Variants in VAC14 observed in about 807,000 individuals in gnomAD.
VAC14 encodes protein VAC14 homolog.
A neutral mutation model predicts 85.3 loss-of-function variants in VAC14; 47 were observed. The observed-to-expected ratio is 0.55, with a 90% CI of 0.44 to 0.70. VAC14 has a LOEUF of 0.70. VAC14 is among the 30% of genes least tolerant of loss of function. VAC14 has a pLI of 0.00. For missense variants in VAC14, 861 were observed against 1,004.3 expected, an observed-to-expected ratio of 0.86 and a Z score of 1.93; for synonymous variants, 447 against 430.5, an observed-to-expected ratio of 1.04 and a Z score of -0.47.
chr16:70,697,818 C>G (rs767778379), intron 15 of VAC14, among the ~76,000 whole-genome samples: 6 of 152,166 alleles, frequency 3.9e-5, no homozygotes, highest in Non-Finnish European at 7.4e-5. Flanking sequence ...TGGCCTGGAT[C>G]GTGCAGAGCC....
At chr16:70,775,110 A>T (rs553297329) in intron 9 of VAC14, among the ~76,000 whole-genome samples, 2 of 152,254 alleles carry the variant, frequency 1.3e-5, no homozygotes, top group South Asian at 4.2e-4. Context: ...AATCAATTCA[A>T]TTATTTATGT....
intron 14 of VAC14, among the ~76,000 whole-genome samples, chr16:70,712,903 G>A (rs1020851138): frequency 2.6e-5 from 4 of 152,214 alleles, no homozygotes; most frequent in African/African-American, 4.8e-5. Context: ...GGCTGGGGAA[G>A]GTGCTACCTC....
intron 9 of VAC14, chr16:70,772,398 G>C (rs1567591482): frequency 3.7e-6 from 2 of 539,192 alleles, no homozygotes; most frequent in East Asian, 3.0e-5. Flanking sequence ...ACAAGGAGGG[G>C]ACACCAGTGC....
chr16:70,754,588 G>A (rs962177745), intron 12 of VAC14, among the ~76,000 whole-genome samples: 1 of 152,152 alleles, frequency 6.6e-6, no homozygotes, highest in Non-Finnish European at 1.5e-5. Context: ...AGAGGGCAGT[G>A]TCCCCTGCCC....
intron 5 of VAC14, 113 bp from the exon 6 acceptor site, chr16:70,783,667 C>A (rs765897330): frequency 3.9e-6 from 4 of 1,035,976 alleles, no homozygotes; most frequent in Non-Finnish European, 5.8e-6. Flanking sequence ...CAGCATTTCC[C>A]TGCAGTGCAG....
intron 12 of VAC14, chr16:70,756,037 G>A (rs1409779985): frequency 2.2e-6 from 1 of 456,674 alleles, no homozygotes; most frequent in African/African-American, 2.0e-5. Flanking sequence ...CTGGGACCCA[G>A]CTGGCCAACC....
At chr16:70,747,293 G>A (rs1313887694) in intron 12 of VAC14, 1 of 152,140 alleles carries the variant, frequency 6.6e-6, no homozygotes, top group Non-Finnish European at 1.5e-5. Context: ...GTGGTCGCCA[G>A]GGGCGTGGGG....
At chr16:70,779,093 C>T (rs2033678166) in intron 9 of VAC14, 1 of 152,336 alleles carries the variant, frequency 6.6e-6, no homozygotes, top group Admixed American at 6.5e-5. Context: ...AGAATTCTAC[C>T]ACTGAACCAC....
intron 10 of VAC14, chr16:70,771,475 G>C (rs2033216938): frequency 6.6e-6 from 1 of 152,134 alleles, no homozygotes; most frequent in South Asian, 2.1e-4. Context: ...TCTCACTGCA[G>C]TCACCATGTA....
chr16:70,735,313 C>G (rs1440353940), intron 13 of VAC14, among the ~76,000 whole-genome samples: 1 of 140,730 alleles, frequency 7.1e-6, no homozygotes, highest in Non-Finnish European at 1.5e-5. Context: ...ACAAGATAGG[C>G]AGGATGTGGA....
intron 14 of VAC14, among the ~76,000 whole-genome samples, chr16:70,701,315 C>G (rs1401001013): frequency 1.3e-5 from 2 of 152,144 alleles, no homozygotes; most frequent in Non-Finnish European, 2.9e-5. Context: ...GCCTGGCCAC[C>G]TAGCAGGCAT....
intron 12 of VAC14, among the ~76,000 whole-genome samples, chr16:70,751,993 C>T (rs934281978): frequency 6.6e-6 from 1 of 152,230 alleles, no homozygotes; most frequent in Non-Finnish European, 1.5e-5. Context: ...GAAAGGAGCA[C>T]TACTTAGGCC....
intron 18 of VAC14, chr16:70,690,700 C>T: frequency 1.0e-6 from 1 of 985,728 alleles, no homozygotes; most frequent in Admixed American, 6.1e-5. Flanking sequence ...GCTGTCTGCC[C>T]CTCCCAGGGC....
chr16:70,779,611 T>C (rs1223976537), intron 9 of VAC14, among the ~76,000 whole-genome samples: 2 of 152,110 alleles, frequency 1.3e-5, no homozygotes, highest in East Asian at 3.9e-4. Context: ...ATAACAGATG[T>C]TTGCTAAATG....
chr16:70,716,369 C>T (rs958519873), intron 14 of VAC14: 1 of 152,318 alleles, frequency 6.6e-6, no homozygotes, highest in African/African-American at 2.4e-5. Flanking sequence ...GTTCCCCAGC[C>T]AGGGAGCTCT....
intron 12 of VAC14, among the ~76,000 whole-genome samples, chr16:70,757,715 A>G (rs148424797): frequency 2.9e-3 from 448 of 152,286 alleles, no homozygotes; most frequent in Non-Finnish European, 4.8e-3. Flanking sequence ...CCTGATCTCA[A>G]TGTGCATCTC....
intron 14 of VAC14, among the ~76,000 whole-genome samples, chr16:70,725,867 G>C (rs1251141316): frequency 1.3e-5 from 2 of 152,336 alleles, no homozygotes; most frequent in East Asian, 1.9e-4. Context: ...GGGCCGGTTC[G>C]GATCAGGCCC....
At chr16:70,729,222 G>A (rs1262959540) in intron 14 of VAC14, among the ~76,000 whole-genome samples, 4 of 152,208 alleles carry the variant, frequency 2.6e-5, no homozygotes, top group Non-Finnish European at 5.9e-5. Flanking sequence ...CTGCCATCCC[G>A]AAGAGCTATC....
chr16:70,794,267 C>G (rs980456963), intron 1 of VAC14, among the ~76,000 whole-genome samples: 2 of 152,130 alleles, frequency 1.3e-5, no homozygotes, highest in Non-Finnish European at 2.9e-5. Context: ...CAAAAGAAAC[C>G]CTGCACCCAC....
Sources: gnomAD v4.1 joint callset for allele counts (sites outside exome capture counted in the v4.1 genomes callset) on GRCh38, gnomAD v4.1.1 for gene constraint, MANE v1.5 for transcripts, NCBI Gene and HGNC (gene_info 2026-07-23, HGNC 2026-07-21) for gene names.